PTPN12: variants seen among roughly 807,000 people sequenced by gnomAD.
The protein encoded by PTPN12 is protein tyrosine phosphatase non-receptor type 12, also known as tyrosine-protein phosphatase non-receptor type 12.
Under a neutral mutation model 97.6 loss-of-function variants are expected in PTPN12, and 29 were observed. The ratio of observed to expected loss-of-function variants is 0.30; its 90% CI spans 0.22 to 0.41. The LOEUF is 0.41. PTPN12 is among the 10% of genes least tolerant of loss of function. The pLI, the probability that PTPN12 is intolerant of heterozygous loss-of-function variation, is 1.00. For synonymous variants in PTPN12, 327 were observed against 300.4 expected (o/e 1.09, Z -0.91); for missense variants, 819 against 926.0 (o/e 0.88, Z 1.50).
chr7:77,609,442 T>C (rs1337480417), intron 9 of PTPN12, among the ~76,000 whole-genome samples: 1 of 151,372 alleles, frequency 6.6e-6, no homozygotes, highest in Non-Finnish European at 1.5e-5. Flanking sequence ...TGGCTAATTT[T>C]TGTATTTTTA....
At chr7:77,540,072 T>C (rs765530684) in intron 1 of PTPN12, among the ~76,000 whole-genome samples, 1 of 152,148 alleles carries the variant, frequency 6.6e-6, no homozygotes, top group Non-Finnish European at 1.5e-5. Flanking sequence ...CACCTTGTTA[T>C]CCCTAGGCAT....
At position 77,562,888 on chromosome 7, in the gene PTPN12, A is replaced by G. The variant is rs976720929; in HGVS notation, c.100-8190A>G. ...GATAGGGAAAGGGTAAACTTGCATTATAAGTTTGTATTTTCTCACGAAGGG... is the reference window on the plus strand; with the variant it reads ...GATAGGGAAAGGGTAAACTTGCATTGTAAGTTTGTATTTTCTCACGAAGGG... On this transcript the variant is annotated intron_variant, in intron 1 of 17. Transcript: ENST00000248594. Among the ~76,000 whole-genome samples the G allele has an allele frequency of 4.6e-5, 7 of 151,162 alleles. No homozygotes were observed. The East Asian group carries it at 1.4e-3, about 29-fold the overall frequency.
At chr7:77,606,564 TTA>T (rs1287896786) in intron 8 of PTPN12, among the ~76,000 whole-genome samples, 2 of 68,778 alleles carry the variant, frequency 2.9e-5, no homozygotes, top group Non-Finnish European at 4.7e-5. Context: ...GCCCAACCCC[TTA>T]AAAATGAAAT....
intron 8 of PTPN12, among the ~76,000 whole-genome samples, chr7:77,603,069 G>A (rs1351070173): frequency 6.6e-6 from 1 of 152,146 alleles, no homozygotes; most frequent in East Asian, 1.9e-4. Context: ...ACTTGCTGGT[G>A]GAGATGTGGG....
chr7:77,600,849 T>C (rs201072529), intron 8 of PTPN12, 43 bp downstream of exon 8: 213 of 1,468,800 alleles, frequency 1.5e-4, no homozygotes, highest in Non-Finnish European at 1.8e-4. Context: ...TTATTTAAGT[T>C]TGATGTTACA....
intron 1 of PTPN12, among the ~76,000 whole-genome samples, chr7:77,553,476 A>G (rs1306345954): frequency 1.3e-5 from 2 of 152,206 alleles, no homozygotes; most frequent in African/African-American, 4.8e-5. Context: ...CACAATTGTT[A>G]GACACATATG....
Position 77,627,773 on chromosome 7 carries a change from C to G in PTPN12, c.1996+98C>G, listed in dbSNP as rs187504815. The G allele has an allele frequency of 7.3e-6, 9 of 1,226,128 alleles. 1 individual carries two copies. In the East Asian group the frequency reaches 2.3e-4, roughly 32 times the overall value. 76.0% of individuals were successfully genotyped at this position (1,226,128 alleles called of 1,614,324 possible). On this transcript the variant is annotated intron_variant, in intron 13 of 17. Transcript: ENST00000248594. The stretch of plus-strand genomic sequence containing the variant: ...TTGATTTATTATGTTTTATTCCACA[C>G]TCTACCATAGAACCTACAGCAAAAT...
intron 11 of PTPN12, among the ~76,000 whole-genome samples, chr7:77,617,320 G>C (rs1166635034): frequency 6.6e-6 from 1 of 152,074 alleles, no homozygotes; most frequent in African/African-American, 2.4e-5. Context: ...GATTTTGGTG[G>C]GTGGCTTTAA....
At chr7:77,611,110 C>A (rs748388327) in intron 11 of PTPN12, 64 bp downstream of exon 11, 127 of 1,313,734 alleles carry the variant, frequency 9.7e-5, no homozygotes, top group Admixed American at 9.1e-4. Flanking sequence ...TAATATTTAG[C>A]CTTTTTTTTG....
chr7:77,546,577 A>G (rs557713451), intron 1 of PTPN12, among the ~76,000 whole-genome samples: 27 of 152,358 alleles, frequency 1.8e-4, no homozygotes, highest in Admixed American at 5.2e-4. Flanking sequence ...TAGGGTCTGT[A>G]GCTGGCCTAT....
At chr7:77,560,371 T>G (rs1252927022) in intron 1 of PTPN12, among the ~76,000 whole-genome samples, 1 of 152,180 alleles carries the variant, frequency 6.6e-6, no homozygotes, top group Non-Finnish European at 1.5e-5. Context: ...CTTAAAAAAT[T>G]TTTTTTAATT....
chr7:77,620,255 TA>T (rs1321670401), intron 12 of PTPN12, among the ~76,000 whole-genome samples: 1 of 152,244 alleles, frequency 6.6e-6, no homozygotes, highest in Non-Finnish European at 1.5e-5. Flanking sequence ...TATCTGAATT[TA>T]AAGCCTTTTT....
chr7:77,630,284 G>A (rs1238049937), intron 13 of PTPN12, among the ~76,000 whole-genome samples: 1 of 152,128 alleles, frequency 6.6e-6, no homozygotes. Context: ...ACCAGAATTA[G>A]AGTTTTGGGG....
chr7:77,556,503 CA>C (rs1229154268), intron 1 of PTPN12, among the ~76,000 whole-genome samples: 14 of 152,104 alleles, frequency 9.2e-5, no homozygotes, highest in African/African-American at 3.4e-4. Flanking sequence ...AAAACCCCAG[CA>C]GGTTAGGCTC....
chr7:77,539,919 TC>T, intron 1 of PTPN12, among the ~76,000 whole-genome samples: 1 of 152,348 alleles, frequency 6.6e-6, no homozygotes, highest in Non-Finnish European at 1.5e-5. Context: ...TCTCAAGTGA[TC>T]CATCTGCTTT....
At chr7:77,603,883 C>CTTTTTTTTTTTTTTTTTTTTTTTT (rs773037726) in intron 8 of PTPN12, among the ~76,000 whole-genome samples, 1 of 87,870 alleles carries the variant, frequency 1.1e-5, no homozygotes, top group Non-Finnish European at 2.1e-5. Context: ...TTTTTGTTTG[C>CTTTTTTTTTTTTTTTTTTTTTTTT]TTTTTTTTTT....
At chr7:77,551,039 T>C (rs973437076) in intron 1 of PTPN12, among the ~76,000 whole-genome samples, 1 of 151,516 alleles carries the variant, frequency 6.6e-6, no homozygotes, top group Non-Finnish European at 1.5e-5. Context: ...ATCCCACTTG[T>C]TTATTTATTT....
chr7:77,588,748 T>TA (rs1160556167), intron 5 of PTPN12, among the ~76,000 whole-genome samples: 1 of 152,216 alleles, frequency 6.6e-6, no homozygotes, highest in African/African-American at 2.4e-5. Flanking sequence ...AGTGGTGTTG[T>TA]AACTAGAATG....
intron 12 of PTPN12, among the ~76,000 whole-genome samples, chr7:77,624,631 G>A (rs559775131): frequency 2.6e-4 from 39 of 151,600 alleles, no homozygotes; most frequent in African/African-American, 8.5e-4. Flanking sequence ...AGTAGAGACG[G>A]GGTTTTGCCA....
Sources: allele counts gnomAD v4.1 joint callset (sites outside exome capture counted in the v4.1 genomes callset), GRCh38; gene constraint gnomAD v4.1.1; transcripts MANE v1.5; gene names NCBI Gene and HGNC (gene_info 2026-07-23, HGNC 2026-07-21).